P4HB: variants seen among roughly 807,000 people sequenced by gnomAD.
The protein encoded by P4HB is prolyl 4-hydroxylase subunit beta, also known as protein disulfide-isomerase.
P4HB carries 20 observed loss-of-function variants against 52.6 expected under a neutral mutation model. The observed-to-expected ratio is 0.38, with a 90% CI of 0.27 to 0.55. The LOEUF (loss-of-function observed/expected upper bound fraction) is 0.55. Among genes scored for constraint, P4HB ranks in the 20% least tolerant of loss-of-function variants. The pLI is 0.74. For synonymous variants in P4HB, 296 were observed against 277.9 expected, an observed-to-expected ratio of 1.07 and a Z score of -0.65; for missense variants, 601 against 669.2, an observed-to-expected ratio of 0.90 and a Z score of 1.12.
In P4HB at chr17:81,847,233, G is replaced by T. The variant is rs766454530; in HGVS notation, c.729+10C>A. Reference sequence around the variant, plus strand: ...CCATCCCCAGCCTGGGGGCTGCAGGGCAGCCGCACCTGCTCGGTGAACTCG... The same window carrying T: ...CCATCCCCAGCCTGGGGGCTGCAGGTCAGCCGCACCTGCTCGGTGAACTCG... On this transcript the variant is annotated intron_variant, in intron 5 of 10. Coordinates refer to ENST00000331483, the MANE Select transcript of P4HB (RefSeq NM_000918.4). 1 of 1,612,586 alleles carries T rather than the reference G, an allele frequency of 6.2e-7. No homozygotes were observed. Among genetic ancestry groups the T allele is most frequent in the Non-Finnish European group, 8.5e-7 (1 of 1,178,894 alleles).
At chr17:81,854,929 C>A (rs1304907928) in intron 4 of P4HB, among the ~76,000 whole-genome samples, 1 of 151,732 alleles carries the variant, frequency 6.6e-6, no homozygotes, top group Non-Finnish European at 1.5e-5. Context: ...TCTGAGGCGG[C>A]TGTGGCAGGA....
chr17:81,846,312 G>T lies in P4HB; in HGVS notation c.1056+117C>A. On this transcript the variant is annotated intron_variant, in intron 7 of 10. Transcript: ENST00000331483. The surrounding 1 kb of genome is among the most constrained non-coding windows in gnomAD (Gnocchi z 5.7). Reference sequence around the variant, plus strand: ...TGGTCTTCACACCATCTTGGGCTCCGTCCTCTTACTCTGAAGATCTTACTT... The same window carrying T: ...TGGTCTTCACACCATCTTGGGCTCCTTCCTCTTACTCTGAAGATCTTACTT... 2.1e-6 allele frequency: 2 copies of T among 973,900 alleles called. No individual in the cohort carries two copies. The highest frequency in any genetic ancestry group is 1.6e-6 in the Non-Finnish European group (1 of 630,994). The allele number at this position is 973,900 out of a possible 1,614,324, so 60.3% of individuals were successfully genotyped here. A position where few individuals can be genotyped will look rare whatever the true frequency, so the allele number is the denominator to read the frequency against.
intron 4 of P4HB, among the ~76,000 whole-genome samples, chr17:81,848,224 A>G (rs930523602): frequency 4.6e-5 from 7 of 152,148 alleles, no homozygotes; most frequent in Non-Finnish European, 1.0e-4. Flanking sequence ...TCACACTCAC[A>G]CTTCTCTGGC....
Position 81,846,386 on chromosome 17 carries a change from GCT to G in P4HB, c.1056+41_1056+42del. On this transcript the variant is annotated intron_variant, in intron 7 of 10. Transcript: ENST00000331483. This position sits in a 1 kb window ranked among gnomAD's most constrained non-coding sequence, Gnocchi z 5.7. ...AGAGCCCAGAGACCCCAAGGTGGCG[GCT>G]CTACCCGGGAGGCAGCCCTGGCCCG... is the stretch of plus-strand genomic sequence containing the variant. The G allele has an allele frequency of 6.3e-7, 1 of 1,578,084 alleles. No homozygotes were observed. Among genetic ancestry groups the G allele is most frequent in the Non-Finnish European group, 8.7e-7 (1 of 1,149,472 alleles).
At chr17:81,847,495 G>A (rs944407808) in intron 4 of P4HB, 148 bp from the exon 5 acceptor site, 6 of 682,072 alleles carry the variant, frequency 8.8e-6, no homozygotes, top group Admixed American at 6.5e-5. Context: ...ATGGGTACAG[G>A]ACATGGCTGT....
At chr17:81,848,180 G>A (rs1420580849) in intron 4 of P4HB, among the ~76,000 whole-genome samples, 3 of 152,272 alleles carry the variant, frequency 2.0e-5, no homozygotes, top group African/African-American at 4.8e-5. Context: ...GATTATAGGC[G>A]TGAGCCACCG....
rs2038979994 is a variant in P4HB, at chr17:81,860,347, T to G, written c.125A>C (p.Lys42Thr). ...SNFAEALAAH[K>T]YLLVEFYAPW... is the part of the protein sequence containing the mutation. ...CTCACAGAACTCCACCAGCAGGTACTTGTGGGCCGCCAGCGCCTCCGCGAA... is the reference window on the plus strand; with the variant it reads ...CTCACAGAACTCCACCAGCAGGTACGTGTGGGCCGCCAGCGCCTCCGCGAA... Residue 42 changes from lysine to threonine, a missense_variant, in exon 1 of 11, where the codon AAG becomes ACG. Transcript: ENST00000331483. 1 of 1,473,446 alleles carries G rather than the reference T, an allele frequency of 6.8e-7. No homozygotes were observed. Among genetic ancestry groups the G allele is most frequent in the Non-Finnish European group, 9.0e-7 (1 of 1,111,502 alleles). The allele number at this position is 1,473,446 out of a possible 1,614,324, so 91.3% of individuals were successfully genotyped here. A position where few individuals can be genotyped will look rare whatever the true frequency, so the allele number is the denominator to read the frequency against.
Position 81,844,255 on chromosome 17 carries a change from G to A in P4HB, c.1447-163C>T, listed in dbSNP as rs190511583. Among the ~76,000 whole-genome samples the A allele has an allele frequency of 9.5e-3, 1,448 of 152,008 alleles. 22 individuals are homozygous for A. Among genetic ancestry groups the A allele is most frequent in the African/African-American group, 0.032 (1,335 of 41,460 alleles). On this transcript the variant is annotated intron_variant, in intron 10 of 10. Transcript: ENST00000331483. ...CCCTGGTCTTTACGAGCTACACAGG[G>A]GTCTTCCCAGGAAGAGTGACGCCTG...
Position 81,843,730 on chromosome 17 carries a change from C to T in P4HB, c.*282G>A, listed in dbSNP as rs200284911. On this transcript the variant is annotated 3_prime_UTR_variant, in exon 11 of 11. Transcript: ENST00000331483. ...GACTCCGAACACGGTAGCAAGCACT[C>T]TGGACAGACTCATGTATGAAAAAGT... 27 of 556,360 alleles carry T rather than the reference C, an allele frequency of 4.9e-5. No individual in the cohort carries two copies. The highest frequency in any genetic ancestry group is 4.2e-4 in the South Asian group (17 of 40,482). The allele number at this position is 556,360 out of a possible 1,614,324, so 34.5% of individuals were successfully genotyped here.
chr17:81,846,649 T>TGCACAGGTGCGGGAGACGGCTGGCAGAGA lies in P4HB; in HGVS notation c.856-21_856-20insTCTCTGCCAGCCGTCTCCCGCACCTGTGC. 1 of 1,610,146 alleles carries TGCACAGGTGCGGGAGACGGCTGGCAGAGA rather than the reference T, an allele frequency of 6.2e-7. No individual in the cohort carries two copies. Among genetic ancestry groups the TGCACAGGTGCGGGAGACGGCTGGCAGAGA allele is most frequent in the Non-Finnish European group, 8.5e-7 (1 of 1,177,892 alleles). On this transcript the variant is annotated intron_variant, in intron 6 of 10. Coordinates refer to ENST00000331483, the MANE Select transcript of P4HB (RefSeq NM_000918.4). The surrounding 1 kb of genome is among the most constrained non-coding windows in gnomAD (Gnocchi z 5.7). ...CAGGATCTGGGGGAGAAAAGGAGGT[T>TGCACAGGTGCGGGAGACGGCTGGCAGAGA]GCACAGGTGCGGGAGACGGCTGGCC...
intron 4 of P4HB, among the ~76,000 whole-genome samples, chr17:81,853,830 C>A (rs540724997): frequency 7.2e-5 from 11 of 152,182 alleles, no homozygotes; most frequent in South Asian, 2.1e-4. Context: ...TGGCTCTGAG[C>A]GGCACAAACC....
chr17:81,843,719 T>C lies in P4HB; in HGVS notation c.*293A>G, dbSNP rs546917582. The C allele has an allele frequency of 1.1e-5, 5 of 459,056 alleles. No individual in the cohort carries two copies. Among genetic ancestry groups the C allele is most frequent in the Admixed American group, 3.8e-5 (1 of 26,084 alleles). The allele number at this position is 459,056 out of a possible 1,614,324, so 28.4% of individuals were successfully genotyped here. ...GGAGGCAGCGAGACTCCGAACACGG[T>C]AGCAAGCACTCTGGACAGACTCATG... On this transcript the variant is annotated 3_prime_UTR_variant, in exon 11 of 11. Transcript: ENST00000331483.
chr17:81,857,538 G>T (rs2038930641), intron 2 of P4HB, among the ~76,000 whole-genome samples: 1 of 152,204 alleles, frequency 6.6e-6, no homozygotes, highest in Admixed American at 6.5e-5. Flanking sequence ...CCTCATTTTA[G>T]AGAGGTGGAC....
chr17:81,849,981 C>T (rs916506945), intron 4 of P4HB, among the ~76,000 whole-genome samples: 2 of 151,970 alleles, frequency 1.3e-5, no homozygotes, highest in African/African-American at 2.4e-5. Context: ...GCACCCGCCA[C>T]CACGCCTGGC....
intron 2 of P4HB, among the ~76,000 whole-genome samples, chr17:81,858,552 G>A (rs1317120189): frequency 1.3e-5 from 2 of 152,132 alleles, no homozygotes; most frequent in African/African-American, 4.8e-5. Flanking sequence ...TTTTGCCACC[G>A]TCACTGATCT....
Position 81,846,088 on chromosome 17 carries a change from CCCTGGGCACACCAG to C in P4HB, c.1057-111_1057-98del. ...TGCCCGGGACTGAGGTGCGTGGCTGCCCTGGGCACACCAGGGTGGCAGCCGCAGACACCAACAGT... is the reference window on the plus strand; with the variant it reads ...TGCCCGGGACTGAGGTGCGTGGCTGCGGTGGCAGCCGCAGACACCAACAGT... On this transcript the variant is annotated intron_variant, in intron 7 of 10. Transcript: ENST00000331483. This position sits in a 1 kb window ranked among gnomAD's most constrained non-coding sequence, Gnocchi z 5.7. 1 of 1,401,956 alleles carries C rather than the reference CCCTGGGCACACCAG, an allele frequency of 7.1e-7. No homozygotes were observed. The highest frequency in any genetic ancestry group is 2.5e-5 in the East Asian group (1 of 40,064). The allele number at this position is 1,401,956 out of a possible 1,614,324, so 86.8% of individuals were successfully genotyped here. A position where few individuals can be genotyped will look rare whatever the true frequency, so the allele number is the denominator to read the frequency against.
chr17:81,858,617 A>T (rs1177428308), intron 2 of P4HB, among the ~76,000 whole-genome samples: 1 of 152,182 alleles, frequency 6.6e-6, no homozygotes, highest in African/African-American at 2.4e-5. Flanking sequence ...GCAGACGAGC[A>T]GCTGAGGGCC....
Position 81,855,382 on chromosome 17 carries a change from C to T in P4HB, c.486+71G>A, listed in dbSNP as rs1046124815. The T allele has an allele frequency of 1.8e-5, 28 of 1,595,102 alleles. No homozygotes were observed. Among genetic ancestry groups the T allele is most frequent in the Non-Finnish European group, 2.4e-5 (28 of 1,166,994 alleles). On this transcript the variant is annotated intron_variant, in intron 3 of 10. Coordinates refer to ENST00000331483, the MANE Select transcript of P4HB (RefSeq NM_000918.4). This position sits in a 1 kb window ranked among gnomAD's most constrained non-coding sequence, Gnocchi z 4.3. ...CCAGGGGGGACACGTGCAGAACTGC[C>T]AGCTGCAGGCTGTGGACCCCTCCTC...
In P4HB at chr17:81,846,724, T is replaced by C; in HGVS notation, c.856-95A>G. 2.3e-6 allele frequency: 3 copies of C among 1,318,010 alleles called. No individual in the cohort carries two copies. The highest frequency in any genetic ancestry group is 1.2e-5 in the South Asian group (1 of 80,866). The allele number at this position is 1,318,010 out of a possible 1,614,324, so 81.6% of individuals were successfully genotyped here. A position where few individuals can be genotyped will look rare whatever the true frequency, so the allele number is the denominator to read the frequency against. On this transcript the variant is annotated intron_variant, in intron 6 of 10. Transcript: ENST00000331483. This position sits in a 1 kb window ranked among gnomAD's most constrained non-coding sequence, Gnocchi z 5.7. ...CGGAAGCAGACCGTGCTCCGGTGCC[T>C]TTTTCCTCCAACCTGGATTCCGGGG...
Sources: allele counts gnomAD v4.1 joint callset (sites outside exome capture counted in the v4.1 genomes callset), GRCh38; gene constraint gnomAD v4.1.1; non-coding constraint Gnocchi (gnomAD v3.1); transcripts MANE v1.5; gene names NCBI Gene and HGNC (gene_info 2026-07-23, HGNC 2026-07-21).